The following SAP18 variants were observed in gnomAD, a reference collection of about 807,000 sequenced individuals.
SAP18 encodes the protein Sin3A associated protein 18.
Under a neutral mutation model 18.6 loss-of-function variants are expected in SAP18, and 4 were observed. That is an observed-to-expected ratio of 0.21 (90% CI 0.11 to 0.49). The LOEUF (loss-of-function observed/expected upper bound fraction) is 0.49, where lower values mean the gene tolerates loss of function less well. Ranked by LOEUF, SAP18 falls within the 20% of genes least tolerant of loss-of-function variation. The probability of loss-of-function intolerance (pLI) is 0.98; values close to 1 mark genes in which losing one functional copy is unlikely to be tolerated. For synonymous variants in SAP18, 112 were observed against 82.8 expected (o/e 1.35, Z -1.92); for missense variants, 170 against 226.4 (o/e 0.75, Z 1.60).
exon 4 of SAP18, chr13:21,147,751 A>AGTTGGAAAGGACAC (rs1160413167): frequency 6.4e-6 from 1 of 157,064 alleles, no homozygotes; most frequent in Non-Finnish European, 1.4e-5. Flanking sequence ...TGCTGTATGC[A>AGTTGGAAAGGACAC]GTTGGAAAGG....
chr13:21,144,128 T>C (rs901181308), intron 2 of SAP18, among the ~76,000 whole-genome samples: 1 of 152,044 alleles, frequency 6.6e-6, no homozygotes, highest in African/African-American at 2.4e-5. Flanking sequence ...TTATTTCTGC[T>C]GGGCGTGGTG....
intron 2 of SAP18, chr13:21,141,260 C>T (rs1310014041): frequency 1.9e-6 from 1 of 517,992 alleles, no homozygotes; most frequent in African/African-American, 1.9e-5. Flanking sequence ...GTTATGGCTG[C>T]TAGGTACAAA....
chr13:21,147,404 C>T (rs1314451439), exon 4 of SAP18: 2 of 1,405,800 alleles, frequency 1.4e-6, no homozygotes, highest in Non-Finnish European at 2.0e-6. Context: ...ACATACTCTT[C>T]TTCCTCCCCT....
chr13:21,143,903 C>T, intron 2 of SAP18, among the ~76,000 whole-genome samples: 1 of 152,186 alleles, frequency 6.6e-6, no homozygotes, highest in East Asian at 1.9e-4. Flanking sequence ...GGCCTGCCCT[C>T]ATTCCCAGAA....
intron 2 of SAP18, 45 bp downstream of exon 2, chr13:21,141,040 G>C: frequency 1.6e-6 from 2 of 1,217,526 alleles, no homozygotes; most frequent in Non-Finnish European, 2.4e-6. Context: ...CGGGAACCTG[G>C]AACAACAGTT....
At chr13:21,145,685 G>A (rs894542688) in intron 2 of SAP18, among the ~76,000 whole-genome samples, 1 of 152,090 alleles carries the variant, frequency 6.6e-6, no homozygotes, top group Admixed American at 6.6e-5. Flanking sequence ...GCTAATTTTT[G>A]GATTTTTAGT....
chr13:21,146,985 T>C (rs1869673339), intron 3 of SAP18, 58 bp downstream of exon 3: 4 of 1,539,394 alleles, frequency 2.6e-6, no homozygotes, highest in African/African-American at 1.4e-5. Context: ...ATGTTTTAAC[T>C]GATACAGATA....
chr13:21,141,823 C>T (rs1365213940), intron 2 of SAP18, among the ~76,000 whole-genome samples: 3 of 151,722 alleles, frequency 2.0e-5, no homozygotes, highest in African/African-American at 7.3e-5. Flanking sequence ...TCCACCACCA[C>T]GCCTGGCTAA....
chr13:21,145,908 A>G (rs1305329127), intron 2 of SAP18, among the ~76,000 whole-genome samples: 2 of 152,228 alleles, frequency 1.3e-5, no homozygotes, highest in Non-Finnish European at 2.9e-5. Flanking sequence ...GGACTATATG[A>G]AAGTTGGATT....
At chr13:21,147,383 A>T in exon 4 of SAP18, 1 of 1,551,948 alleles carries the variant, frequency 6.4e-7, no homozygotes, top group East Asian at 2.3e-5. Context: ...TCCGTCAGTT[A>T]TGTAAAATAA....
At chr13:21,145,861 A>G (rs1869632254) in intron 2 of SAP18, among the ~76,000 whole-genome samples, 1 of 152,210 alleles carries the variant, frequency 6.6e-6, no homozygotes, top group African/African-American at 2.4e-5. Context: ...TTATATGTTA[A>G]AATATTTTTT....
intron 2 of SAP18, among the ~76,000 whole-genome samples, chr13:21,145,967 T>C (rs1482624903): frequency 1.3e-5 from 2 of 152,260 alleles, no homozygotes; most frequent in Admixed American, 1.3e-4. Flanking sequence ...GAGCCTGTGC[T>C]TCATTGTAAG....
exon 4 of SAP18, chr13:21,148,459 T>C (rs1222971484): frequency 1.3e-5 from 2 of 152,084 alleles, no homozygotes; most frequent in African/African-American, 4.8e-5. Context: ...TTTGTTACAG[T>C]AGCCAATTGA....
chr13:21,147,145 A>T, intron 3 of SAP18, 41 bp from the exon 4 acceptor site: 1 of 1,584,012 alleles, frequency 6.3e-7, no homozygotes, highest in Non-Finnish European at 8.6e-7. Context: ...ACTGGGTTTC[A>T]TTGATTTGGA....
At chr13:21,142,927 C>T (rs1032712423) in intron 2 of SAP18, among the ~76,000 whole-genome samples, 1 of 152,180 alleles carries the variant, frequency 6.6e-6, no homozygotes, top group Non-Finnish European at 1.5e-5. Flanking sequence ...CCCCTGGTAG[C>T]CTCTAATGTA....
rs1336638264 is a variant in SAP18, at chr13:21,140,985, A to G, written c.229A>G (p.Ile77Val). The G allele has an allele frequency of 2.5e-6, 4 of 1,612,192 alleles. No homozygotes were observed. In the South Asian group the frequency reaches 4.4e-5, roughly 18 times the overall value. ...AAATGTACCGTCCAGCGAGTTGCAGATCTACACTTGGTGAGGAGGGCGGGG... is the reference window on the plus strand; with the variant it reads ...AAATGTACCGTCCAGCGAGTTGCAGGTCTACACTTGGTGAGGAGGGCGGGG... Residue 77 changes from isoleucine to valine, a missense_variant, in exon 2 of 4, where the codon ATC becomes GTC. Physicochemically the swap from Ile to Val is conservative, Grantham distance 29 (BLOSUM62 3). This residue lies in a region of SAP18 where 110 missense variants were observed against 200.2 expected (regional missense o/e 0.55). Coordinates refer to ENST00000621421, the Ensembl canonical transcript of SAP18.
chr13:21,144,570 T>C (rs1438781328), intron 2 of SAP18, among the ~76,000 whole-genome samples: 1 of 152,104 alleles, frequency 6.6e-6, no homozygotes, highest in Admixed American at 6.6e-5. Context: ...CTCCCCAGAT[T>C]ATATAGGATA....
rs570548873 is a variant in SAP18 at position 21,140,599 on chromosome 13, G to A, written c.47G>A (p.Arg16His). 8 of 1,610,982 alleles carry A rather than the reference G, an allele frequency of 5.0e-6. No homozygotes were observed. The highest frequency in any genetic ancestry group is 1.1e-5 in the South Asian group (1 of 90,546). ...GGTCAGGGCGAGCGTCTCGCAGGCC[G>A]TAGGAGGAAGATGGCGGTGGAGTCG... Residue 16 changes from arginine (R) to histidine (H), a missense_variant, in exon 1 of 4, where the codon CGT becomes CAT. Physicochemically the swap from Arg to His is conservative, Grantham distance 29 (BLOSUM62 0). Coordinates refer to ENST00000621421, the Ensembl canonical transcript of SAP18.
chr13:21,147,608 A>C (rs1401495231), exon 4 of SAP18: 6 of 358,474 alleles, frequency 1.7e-5, no homozygotes, highest in Non-Finnish European at 3.0e-5. Context: ...AATCAGCCTG[A>C]GTGTGAAAGT....
Sources: allele counts gnomAD v4.1 joint callset (sites outside exome capture counted in the v4.1 genomes callset), GRCh38; gene constraint gnomAD v4.1.1; regional missense constraint gnomAD v4.1.1; transcripts MANE v1.5; gene names NCBI Gene and HGNC (gene_info 2026-07-23, HGNC 2026-07-21).